Variants in USP34 observed in about 807,000 individuals in gnomAD.
USP34 encodes the protein ubiquitin specific peptidase 34, also known as ubiquitin carboxyl-terminal hydrolase 34.
USP34 carries 70 observed loss-of-function variants against 460.3 expected under a neutral mutation model. The ratio of observed to expected loss-of-function variants is 0.15; its 90% CI spans 0.13 to 0.19. The LOEUF is 0.19. USP34 is among the 10% of genes least tolerant of loss of function. USP34 has a pLI of 1.00. For missense variants in USP34, 3,985 were observed against 4,236.2 expected (o/e 0.94, Z 1.65); for synonymous variants, 1,647 against 1,405.3 (o/e 1.17, Z -3.85).
intron 72 of USP34, among the ~76,000 whole-genome samples, chr2:61,205,115 C>T (rs769281634): frequency 2.0e-5 from 3 of 152,140 alleles, no homozygotes; most frequent in Non-Finnish European, 2.9e-5. Context: ...CTGCCTAGAC[C>T]TCCCGAACTG....
At chr2:61,352,116 C>A (rs1196731817) in intron 10 of USP34, among the ~76,000 whole-genome samples, 1 of 152,064 alleles carries the variant, frequency 6.6e-6, no homozygotes, top group South Asian at 2.1e-4. Flanking sequence ...AATCCAAAAT[C>A]TTAAATGTTC....
At chr2:61,358,738 AACT>A (rs1692182776) in intron 10 of USP34, among the ~76,000 whole-genome samples, 1 of 152,232 alleles carries the variant, frequency 6.6e-6, no homozygotes, top group African/African-American at 2.4e-5. Flanking sequence ...TCCACAGGAG[AACT>A]ACTAAGCTGA....
In USP34 at chr2:61,226,528, C is replaced by CT. The variant is rs1324662628; in HGVS notation, c.7595+538dup. ...GGATATCATATACACTTTTTCCCACCTTTTTTTACTTAGTAATAGATCCTA... is the reference window on the plus strand; with the variant it reads ...GGATATCATATACACTTTTTCCCACCTTTTTTTTACTTAGTAATAGATCCTA... On this transcript the variant is annotated intron_variant, in intron 62 of 79. Coordinates refer to ENST00000398571, the MANE Select transcript of USP34 (RefSeq NM_014709.4). 3.9e-5 allele frequency among the ~76,000 whole-genome samples: 6 copies of CT among 152,224 alleles called. No individual in the cohort carries two copies. The East Asian group carries it at 1.2e-3, about 29-fold the overall frequency.
Position 61,188,262 on chromosome 2 carries a change from T to G in USP34, c.10481A>C (p.Gln3494Pro), listed in dbSNP as rs200812795. 6.2e-7 allele frequency: 1 copy of G among 1,614,092 alleles called. No individual in the cohort carries two copies. ...RSCDGQALPS[Q>P]DPEVALSLSC... is the part of the protein sequence containing the mutation. The stretch of plus-strand genomic sequence containing the variant: ...GAGAGATAAAGCAACCTCAGGGTCC[T>G]GGGAGGGCAAAGCTTGGCCATCACA... Residue 3494 changes from glutamine (Q) to proline (P), a missense_variant, in exon 80 of 80, where the codon CAG (glutamine) becomes CCG (proline). This residue lies in a region of USP34 where 506 missense variants were observed against 439.0 expected (regional missense o/e 1.15). Transcript: ENST00000398571.
intron 61 of USP34, among the ~76,000 whole-genome samples, chr2:61,227,437 G>A (rs568363256): frequency 2.6e-5 from 4 of 152,174 alleles, no homozygotes; most frequent in African/African-American, 2.4e-5. Flanking sequence ...ATTCTCTGCC[G>A]GGCATGGTGG....
intron 47 of USP34, 40 bp downstream of exon 47, chr2:61,256,832 TA>T: frequency 6.8e-7 from 1 of 1,461,646 alleles, no homozygotes; most frequent in South Asian, 1.4e-5. Flanking sequence ...CACAAATAGG[TA>T]AAAGCATAAA....
Position 61,325,466 on chromosome 2 carries a change from TA to T in USP34, c.2931-10del, listed in dbSNP as rs746080637. On this transcript the variant is annotated splice_polypyrimidine_tract_variant and intron_variant, in intron 20 of 79. Transcript: ENST00000398571. ...CAGCACTATGGCTGTACCTATAATT[TA>T]AAAGTCATTAAAATAATTAAATATC... 8.8e-6 allele frequency: 13 copies of T among 1,478,128 alleles called. 1 individual carries two copies. The South Asian group carries it at 1.1e-4, about 13-fold the overall frequency. The allele number at this position is 1,478,128 out of a possible 1,614,324, so 91.6% of individuals were successfully genotyped here.
At chr2:61,338,529 T>C (rs1378290231) in intron 18 of USP34, among the ~76,000 whole-genome samples, 2 of 152,170 alleles carry the variant, frequency 1.3e-5, no homozygotes, top group Admixed American at 1.3e-4. Context: ...ACTTATTTGG[T>C]AAAATTAGAC....
chr2:61,211,318 A>G (rs1033252214), intron 69 of USP34, among the ~76,000 whole-genome samples: 1 of 152,246 alleles, frequency 6.6e-6, no homozygotes, highest in African/African-American at 2.4e-5. Context: ...ACCATTCAAT[A>G]ACTTCTGTAG....
At chr2:61,441,121 C>T (rs1248042435) in intron 1 of USP34, among the ~76,000 whole-genome samples, 3 of 148,412 alleles carry the variant, frequency 2.0e-5, no homozygotes, top group East Asian at 4.0e-4. Flanking sequence ...GAGTGAGAGC[C>T]GCCTCAAAAA....
At chr2:61,372,503 G>A (rs1692657580) in intron 8 of USP34, among the ~76,000 whole-genome samples, 1 of 151,922 alleles carries the variant, frequency 6.6e-6, no homozygotes, top group South Asian at 2.1e-4. Context: ...CTGAGGTCGA[G>A]GGGACTGCTT....
intron 18 of USP34, among the ~76,000 whole-genome samples, chr2:61,336,587 A>G (rs916444600): frequency 1.3e-5 from 2 of 151,774 alleles, no homozygotes; most frequent in African/African-American, 4.8e-5. Flanking sequence ...GGGCAAGCAG[A>G]TCACTTGAGG....
intron 1 of USP34, among the ~76,000 whole-genome samples, chr2:61,429,979 C>A (rs907163488): frequency 6.6e-6 from 1 of 151,970 alleles, no homozygotes; most frequent in Non-Finnish European, 1.5e-5. Flanking sequence ...TTTGGGAGGC[C>A]GAGGCGGGTG....
chr2:61,341,972 A>G (rs1337184109), intron 16 of USP34, among the ~76,000 whole-genome samples: 1 of 151,866 alleles, frequency 6.6e-6, no homozygotes, highest in Non-Finnish European at 1.5e-5. Context: ...CATGTTGGCC[A>G]GGCTGGCCTC....
At chr2:61,381,191 A>G (rs1692960223) in intron 6 of USP34, among the ~76,000 whole-genome samples, 1 of 150,832 alleles carries the variant, frequency 6.6e-6, no homozygotes, top group Non-Finnish European at 1.5e-5. Context: ...AGAAACACCC[A>G]AGAATGATCA....
intron 1 of USP34, among the ~76,000 whole-genome samples, chr2:61,449,868 C>G (rs1695219865): frequency 6.6e-6 from 1 of 152,006 alleles, no homozygotes; most frequent in South Asian, 2.1e-4. Context: ...GAGTGCGAGA[C>G]CAGCCTGGCC....
At chr2:61,457,195 G>C (rs1695465401) in intron 1 of USP34, among the ~76,000 whole-genome samples, 1 of 152,164 alleles carries the variant, frequency 6.6e-6, no homozygotes, top group Non-Finnish European at 1.5e-5. Flanking sequence ...AGGATCTCTT[G>C]AGCCTGGGAG....
chr2:61,316,606 C>G (rs1004746682), intron 23 of USP34, among the ~76,000 whole-genome samples: 16 of 148,508 alleles, frequency 1.1e-4, no homozygotes, highest in Non-Finnish European at 2.2e-4. Flanking sequence ...TCATAATGGC[C>G]TGGTGCAGTG....
intron 15 of USP34, 107 bp from the exon 16 acceptor site, chr2:61,344,136 C>A: frequency 2.0e-6 from 2 of 977,630 alleles, no homozygotes; most frequent in Non-Finnish European, 1.5e-6. Flanking sequence ...AGAAACAAAC[C>A]GACATCTGCT....
Sources: gnomAD v4.1 joint callset for allele counts (sites outside exome capture counted in the v4.1 genomes callset) on GRCh38, gnomAD v4.1.1 for gene constraint, gnomAD v4.1.1 regional missense constraint, MANE v1.5 for transcripts, NCBI Gene and HGNC (gene_info 2026-07-23, HGNC 2026-07-21) for gene names.